POMK: variants seen among roughly 807,000 people sequenced by gnomAD.
POMK encodes the protein protein O-mannose kinase.
POMK carries 19 observed loss-of-function variants against 23.0 expected under a neutral mutation model. That is an observed-to-expected ratio of 0.83 (90% CI 0.58 to 1.21). The LOEUF is 1.21. POMK is among the 50% of genes most tolerant of loss of function. POMK has a pLI of 0.00. For missense variants in POMK, 410 were observed against 431.3 expected (o/e 0.95, Z 0.44); for synonymous variants, 173 against 171.6 (o/e 1.01, Z -0.06).
At chr8:43,104,726 C>T (rs527859944) in intron 4 of POMK, among the ~76,000 whole-genome samples, 5 of 152,246 alleles carry the variant, frequency 3.3e-5, no homozygotes, top group Admixed American at 2.6e-4. Context: ...GGGCGGATTA[C>T]TTAAGCACAG....
chr8:43,110,160 A>C (rs1055683735), intron 4 of POMK, among the ~76,000 whole-genome samples: 3 of 152,238 alleles, frequency 2.0e-5, no homozygotes, highest in African/African-American at 7.2e-5. Flanking sequence ...CCAAAAGTAC[A>C]TTTTACTTCC....
At chr8:43,121,795 C>A (rs1341391253) in intron 4 of POMK, among the ~76,000 whole-genome samples, 1 of 152,226 alleles carries the variant, frequency 6.6e-6, no homozygotes, top group Non-Finnish European at 1.5e-5. Context: ...TGCAGGTCCC[C>A]CTCGTTCTAT....
intron 4 of POMK, among the ~76,000 whole-genome samples, chr8:43,112,764 A>G (rs1427513592): frequency 1.3e-5 from 2 of 152,256 alleles, no homozygotes; most frequent in African/African-American, 4.8e-5. Context: ...AATATTCAAC[A>G]TTCTTAGAGA....
chr8:43,120,699 CAG>C (rs1811897610), intron 4 of POMK, among the ~76,000 whole-genome samples: 1 of 145,558 alleles, frequency 6.9e-6, no homozygotes, highest in East Asian at 2.0e-4. Context: ...TTTTTTGAGA[CAG>C]AGTTTCACTC....
intron 4 of POMK, among the ~76,000 whole-genome samples, chr8:43,104,454 A>G (rs1811507961): frequency 6.6e-6 from 1 of 152,226 alleles, no homozygotes; most frequent in South Asian, 2.1e-4. Flanking sequence ...CCATAGTGAT[A>G]GAAAACTAGA....
At chr8:43,106,235 C>T (rs949278690) in intron 4 of POMK, among the ~76,000 whole-genome samples, 9 of 152,082 alleles carry the variant, frequency 5.9e-5, no homozygotes, top group Non-Finnish European at 1.3e-4. Flanking sequence ...TTGCATTTTC[C>T]TGATGATTAG....
intron 4 of POMK, among the ~76,000 whole-genome samples, chr8:43,112,253 A>G (rs2130612872): frequency 6.6e-6 from 1 of 152,378 alleles, no homozygotes; most frequent in East Asian, 1.9e-4. Flanking sequence ...CCACGGCACA[A>G]GAACTACGTG....
At chr8:43,114,788 T>G (rs146004445) in intron 4 of POMK, among the ~76,000 whole-genome samples, 1 of 152,306 alleles carries the variant, frequency 6.6e-6, no homozygotes, top group African/African-American at 2.4e-5. Context: ...AACCCAAGAT[T>G]ACATTAAAAG....
At chr8:43,111,251 C>T (rs147088443) in intron 4 of POMK, among the ~76,000 whole-genome samples, 191 of 152,288 alleles carry the variant, frequency 1.3e-3, no homozygotes, top group African/African-American at 4.5e-3. Context: ...GCGAGCTCAA[C>T]AAGTGGCACA....
intron 2 of POMK, among the ~76,000 whole-genome samples, chr8:43,101,437 A>G (rs1005802006): frequency 2.0e-5 from 3 of 150,710 alleles, no homozygotes; most frequent in Admixed American, 6.6e-5. Context: ...AAAAAAAAAA[A>G]GGAAGAAAAT....
At chr8:43,112,432 G>A (rs1220548260) in intron 4 of POMK, among the ~76,000 whole-genome samples, 4 of 152,174 alleles carry the variant, frequency 2.6e-5, no homozygotes, top group Non-Finnish European at 4.4e-5. Flanking sequence ...CCAAATCTAC[G>A]TCTGATTGGT....
chr8:43,104,060 A>T (rs1811501255), intron 4 of POMK, among the ~76,000 whole-genome samples: 1 of 152,116 alleles, frequency 6.6e-6, no homozygotes, highest in Non-Finnish European at 1.5e-5. Context: ...GCAGTGTGGC[A>T]TCCAGTGTTA....
intron 4 of POMK, among the ~76,000 whole-genome samples, chr8:43,106,457 T>G (rs1236337897): frequency 6.6e-6 from 1 of 152,104 alleles, no homozygotes; most frequent in Non-Finnish European, 1.5e-5. Context: ...ATTTGTTTCC[T>G]TTGCTGGGAA....
At chr8:43,099,270 T>A (rs1811392694) in intron 2 of POMK, among the ~76,000 whole-genome samples, 1 of 152,186 alleles carries the variant, frequency 6.6e-6, no homozygotes, top group Admixed American at 6.5e-5. Flanking sequence ...ATTTTTAAAT[T>A]GAGTTGTTTT....
intron 2 of POMK, among the ~76,000 whole-genome samples, chr8:43,100,606 G>A (rs574484356): frequency 3.3e-5 from 5 of 152,074 alleles, no homozygotes; most frequent in Admixed American, 2.0e-4. Context: ...GTGCGCTTGT[G>A]GGGGTTGTGC....
chr8:43,097,746 T>C (rs1243987412), intron 2 of POMK, 131 bp downstream of exon 2: 3 of 152,100 alleles, frequency 2.0e-5, no homozygotes, highest in Admixed American at 6.6e-5. Flanking sequence ...GTTTAGAGTT[T>C]AGGGGAGGGA....
chr8:43,107,595 G>A (rs908550777), intron 4 of POMK, among the ~76,000 whole-genome samples: 2 of 152,010 alleles, frequency 1.3e-5, no homozygotes, highest in Admixed American at 6.6e-5. Context: ...GGCTGGTCTC[G>A]AACTCCTGAC....
In POMK at chr8:43,122,594, A is replaced by C; in HGVS notation, c.770A>C (p.Glu257Ala). 1.9e-6 allele frequency: 3 copies of C among 1,614,230 alleles called. No individual in the cohort carries two copies. The highest frequency in any genetic ancestry group is 2.5e-6 in the Non-Finnish European group (3 of 1,180,048). ...CTGCATGGGGATTTCGTGGCTCCAG[A>C]GCAACTGTGGCCCTATGGAGAGGAC... ...RELHGDFVAP[E>A]QLWPYGEDVP... Residue 257 changes from glutamate (E) to alanine (A), a missense_variant, in exon 5 of 5, where the codon GAG becomes GCG. Physicochemically the swap from Glu to Ala is moderately radical, Grantham distance 107. Transcript: ENST00000331373.
rs761707112 is a variant in POMK, at chr8:43,122,477, C to T, written c.653C>T (p.Thr218Ile). Residue 218 changes from threonine to isoleucine, a missense_variant, in exon 5 of 5, where the codon ACA becomes ATA. Transcript: ENST00000331373. ...AAGACACTGTCCCAGTATCTGCTAA[C>T]AAGCAACTTCAGCATTTTGGCAAAT... ...LPKTLSQYLL[T>I]SNFSILANDL... 2.5e-6 allele frequency: 4 copies of T among 1,614,024 alleles called. No homozygotes were observed. Among genetic ancestry groups the T allele is most frequent in the South Asian group, 2.2e-5 (2 of 91,078 alleles).
Sources: gnomAD v4.1 joint callset for allele counts (sites outside exome capture counted in the v4.1 genomes callset) on GRCh38, gnomAD v4.1.1 for gene constraint, MANE v1.5 for transcripts, NCBI Gene and HGNC (gene_info 2026-07-23, HGNC 2026-07-21) for gene names.